Variants in LUZP2 observed in about 807,000 individuals in gnomAD.
LUZP2 encodes leucine zipper protein 2.
A neutral mutation model predicts 51.6 loss-of-function variants in LUZP2; 52 were observed. The observed-to-expected ratio is 1.01, with a 90% CI of 0.81 to 1.27. LUZP2 has a LOEUF of 1.27. LUZP2 is among the 50% of genes most tolerant of loss of function. The pLI is 0.00. For synonymous variants in LUZP2, 154 were observed against 137.3 expected (o/e 1.12, Z -0.85); for missense variants, 436 against 395.4 (o/e 1.10, Z -0.87).
At chr11:24,522,141 G>T (rs937422670) in intron 1 of LUZP2, among the ~76,000 whole-genome samples, 4 of 152,126 alleles carry the variant, frequency 2.6e-5, no homozygotes, top group Non-Finnish European at 5.9e-5. Flanking sequence ...ATGGTAGAAA[G>T]ATATAGAACC....
intron 10 of LUZP2, among the ~76,000 whole-genome samples, chr11:25,067,300 T>C (rs1439777961): frequency 2.0e-5 from 3 of 152,066 alleles, no homozygotes; most frequent in Non-Finnish European, 4.4e-5. Flanking sequence ...GATGAATAGA[T>C]TGCAAAAATT....
intron 1 of LUZP2, among the ~76,000 whole-genome samples, chr11:24,723,619 A>G (rs2133955602): frequency 6.6e-6 from 1 of 152,282 alleles, no homozygotes; most frequent in African/African-American, 2.4e-5. Flanking sequence ...TGAAGCCCAG[A>G]GTTCAAGACC....
intron 1 of LUZP2, among the ~76,000 whole-genome samples, chr11:24,669,206 T>C (rs573730420): frequency 6.6e-6 from 1 of 152,256 alleles, no homozygotes; most frequent in African/African-American, 2.4e-5. Flanking sequence ...GCAAAAGCAA[T>C]GTGTGTGCTC....
At chr11:24,818,063 G>T (rs544391206) in intron 5 of LUZP2, among the ~76,000 whole-genome samples, 1 of 152,158 alleles carries the variant, frequency 6.6e-6, no homozygotes, top group African/African-American at 2.4e-5. Flanking sequence ...AATTCTCCAA[G>T]CTCTTTGAGT....
At chr11:24,727,549 G>T (rs1377235745) in intron 1 of LUZP2, among the ~76,000 whole-genome samples, 7 of 151,976 alleles carry the variant, frequency 4.6e-5, no homozygotes, top group African/African-American at 1.7e-4. Flanking sequence ...TATGAATTAT[G>T]GTCACTTAAG....
chr11:25,028,544 A>G (rs1857561713), intron 9 of LUZP2, among the ~76,000 whole-genome samples: 1 of 152,228 alleles, frequency 6.6e-6, no homozygotes, highest in South Asian at 2.1e-4. Context: ...GAGCACAGAA[A>G]GACCATCTTT....
chr11:24,689,250 C>A (rs1856992704), intron 1 of LUZP2, among the ~76,000 whole-genome samples: 1 of 152,134 alleles, frequency 6.6e-6, no homozygotes, highest in Non-Finnish European at 1.5e-5. Flanking sequence ...TAATTCTTCC[C>A]TTGGAGCAGG....
chr11:24,684,742 C>T (rs181519471), intron 1 of LUZP2, among the ~76,000 whole-genome samples: 1 of 152,300 alleles, frequency 6.6e-6, no homozygotes, highest in African/African-American at 2.4e-5. Context: ...CTCACAATGT[C>T]AATCTTCTCC....
intron 5 of LUZP2, among the ~76,000 whole-genome samples, chr11:24,768,132 A>G (rs903286107): frequency 4.0e-5 from 6 of 148,454 alleles, no homozygotes; most frequent in Admixed American, 4.0e-4. Context: ...AATTAGTTGA[A>G]ATTTTTTTTT....
At chr11:24,813,487 AAGAG>A (rs1474159900) in intron 5 of LUZP2, among the ~76,000 whole-genome samples, 1 of 151,918 alleles carries the variant, frequency 6.6e-6, no homozygotes, top group Non-Finnish European at 1.5e-5. Context: ...AGAATGGAGC[AAGAG>A]AGAGAGAGAA....
intron 5 of LUZP2, among the ~76,000 whole-genome samples, chr11:24,893,528 A>G (rs1198264285): frequency 6.6e-6 from 1 of 152,130 alleles, no homozygotes; most frequent in African/African-American, 2.4e-5. Context: ...AACAACAGAG[A>G]TCCTTGGAGA....
intron 5 of LUZP2, among the ~76,000 whole-genome samples, chr11:24,899,412 A>C (rs1853200321): frequency 6.6e-6 from 1 of 152,010 alleles, no homozygotes; most frequent in East Asian, 1.9e-4. Flanking sequence ...TAGAAAAACA[A>C]GAAGGTAAAA....
chr11:24,972,575 A>G (rs1855772422), intron 7 of LUZP2, among the ~76,000 whole-genome samples: 1 of 152,096 alleles, frequency 6.6e-6, no homozygotes, highest in African/African-American at 2.4e-5. Flanking sequence ...AAAGACAACA[A>G]TGTTGTCCTT....
intron 9 of LUZP2, among the ~76,000 whole-genome samples, chr11:25,017,873 A>G (rs368104654): frequency 8.5e-5 from 13 of 152,276 alleles, no homozygotes; most frequent in Admixed American, 2.6e-4. Context: ...TTTGTAAAGC[A>G]TGGTTATCTT....
At chr11:24,797,142 A>C (rs1849569660) in intron 5 of LUZP2, among the ~76,000 whole-genome samples, 1 of 152,190 alleles carries the variant, frequency 6.6e-6, no homozygotes, top group Admixed American at 6.5e-5. Flanking sequence ...AAATGAATTA[A>C]TATGTATCAA....
In LUZP2 at chr11:24,569,235, A is replaced by G. The variant is rs530783153; in HGVS notation, c.62+71930A>G. 3.3e-5 allele frequency among the ~76,000 whole-genome samples: 5 copies of G among 152,180 alleles called. No homozygotes were observed. The South Asian group carries it at 6.2e-4, about 19-fold the overall frequency. ...ATCTACATCTACATTTAATCTATCTATATAAATACGCTGTTATACAAAACA... is the reference window on the plus strand; with the variant it reads ...ATCTACATCTACATTTAATCTATCTGTATAAATACGCTGTTATACAAAACA... On this transcript the variant is annotated intron_variant, in intron 1 of 11. Transcript: ENST00000336930.
intron 3 of LUZP2, among the ~76,000 whole-genome samples, chr11:24,732,472 C>G (rs779105397): frequency 6.6e-6 from 1 of 151,542 alleles, no homozygotes; most frequent in Non-Finnish European, 1.5e-5. Flanking sequence ...ATACTTTCCT[C>G]AGTTAGTAAG....
At chr11:24,795,862 C>G (rs1019744295) in intron 5 of LUZP2, among the ~76,000 whole-genome samples, 3 of 152,026 alleles carry the variant, frequency 2.0e-5, no homozygotes, top group African/African-American at 7.2e-5. Flanking sequence ...CCTGCCTAAT[C>G]CTGTCTGTCT....
At chr11:24,926,445 ATATG>A (rs1168567258) in intron 7 of LUZP2, among the ~76,000 whole-genome samples, 18 of 145,230 alleles carry the variant, frequency 1.2e-4, no homozygotes, top group African/African-American at 3.3e-4. Flanking sequence ...ATACGTGTAT[ATATG>A]TGTGTGTATA....
Sources: allele counts gnomAD v4.1 joint callset (sites outside exome capture counted in the v4.1 genomes callset), GRCh38; gene constraint gnomAD v4.1.1; transcripts MANE v1.5; gene names NCBI Gene and HGNC (gene_info 2026-07-23, HGNC 2026-07-21).